Variants in NSMCE2 observed in about 807,000 individuals in gnomAD.
NSMCE2 encodes NSE2 SUMO ligase component of SMC5/6 complex.
In NSMCE2, 24 loss-of-function variants were observed where a neutral mutation model predicts 23.8. The observed-to-expected ratio is 1.01, with a 90% CI of 0.73 to 1.42. The LOEUF is 1.42. NSMCE2 is among the 40% of genes most tolerant of loss of function. The probability of loss-of-function intolerance (pLI) is 0.00; values close to 1 mark genes in which losing one functional copy is unlikely to be tolerated. For synonymous variants in NSMCE2, 92 were observed against 94.1 expected (o/e 0.98, Z 0.13); for missense variants, 284 against 296.5 (o/e 0.96, Z 0.31).
At chr8:125,132,383 A>G (rs959090971) in intron 3 of NSMCE2, among the ~76,000 whole-genome samples, 14 of 152,140 alleles carry the variant, frequency 9.2e-5, no homozygotes, top group African/African-American at 3.4e-4. Flanking sequence ...TCTGTGCCTG[A>G]CCTGTTCATA....
At chr8:125,281,179 C>T (rs75228267) in intron 5 of NSMCE2, among the ~76,000 whole-genome samples, 33 of 152,338 alleles carry the variant, frequency 2.2e-4, no homozygotes, top group African/African-American at 5.8e-4. Flanking sequence ...AGCTCTTTTC[C>T]CAACTGTGCA....
intron 5 of NSMCE2, among the ~76,000 whole-genome samples, chr8:125,318,297 T>A (rs548914336): frequency 1.3e-5 from 2 of 152,180 alleles, no homozygotes; most frequent in South Asian, 2.1e-4. Context: ...AGCTACTTAG[T>A]AGGGCTGAGG....
intron 5 of NSMCE2, among the ~76,000 whole-genome samples, chr8:125,351,704 T>C (rs1327904386): frequency 6.6e-6 from 1 of 152,186 alleles, no homozygotes; most frequent in Non-Finnish European, 1.5e-5. Flanking sequence ...ATTTTCTACA[T>C]TTGCCTTAAA....
At chr8:125,225,361 A>T (rs1825046310) in intron 5 of NSMCE2, among the ~76,000 whole-genome samples, 1 of 151,878 alleles carries the variant, frequency 6.6e-6, no homozygotes, top group African/African-American at 2.4e-5. Context: ...TGTCCTTTCG[A>T]CTCCATTCAC....
rs575416840 is a variant in NSMCE2 at position 125,093,618 on chromosome 8, G to A, written c.-111+1660G>A. On this transcript the variant is annotated intron_variant, in intron 1 of 7. Transcript: ENST00000287437. ...CACACCTGTAATCCCAGCTACTCGG[G>A]AGGCTGAGGCAGGAGAATCCCTTGA... Among the ~76,000 whole-genome samples the A allele has an allele frequency of 2.7e-3, 413 of 152,254 alleles. 2 individuals are homozygous for A. The highest frequency in any genetic ancestry group is 9.4e-3 in the African/African-American group (391 of 41,534).
intron 5 of NSMCE2, among the ~76,000 whole-genome samples, chr8:125,279,809 A>G (rs1406100351): frequency 3.3e-5 from 5 of 152,198 alleles, no homozygotes; most frequent in Non-Finnish European, 5.9e-5. Context: ...TTATAAAATC[A>G]TAACACTTTT....
intron 5 of NSMCE2, among the ~76,000 whole-genome samples, chr8:125,331,738 G>A (rs1302846734): frequency 6.6e-6 from 1 of 152,300 alleles, no homozygotes; most frequent in African/African-American, 2.4e-5. Context: ...TGCAAGGAAT[G>A]TAAGAGCAAC....
chr8:125,194,376 C>T (rs901941137), intron 5 of NSMCE2, among the ~76,000 whole-genome samples: 1 of 152,160 alleles, frequency 6.6e-6, no homozygotes, highest in African/African-American at 2.4e-5. Context: ...GCTTCTTTCA[C>T]TTATCAGAGT....
intron 5 of NSMCE2, among the ~76,000 whole-genome samples, chr8:125,279,929 A>G (rs1464603630): frequency 6.6e-6 from 1 of 152,202 alleles, no homozygotes; most frequent in Non-Finnish European, 1.5e-5. Context: ...TATCCTCTCT[A>G]TCAATGAGTA....
intron 5 of NSMCE2, among the ~76,000 whole-genome samples, chr8:125,345,519 G>A (rs1169592268): frequency 6.6e-6 from 1 of 152,210 alleles, no homozygotes. Flanking sequence ...AGAACATGAA[G>A]CTGAATCAGA....
chr8:125,140,510 A>C (rs1331079627), intron 3 of NSMCE2, among the ~76,000 whole-genome samples: 1 of 152,148 alleles, frequency 6.6e-6, no homozygotes, highest in East Asian at 1.9e-4. Flanking sequence ...TGAAAATACA[A>C]AAATTAGCTG....
chr8:125,302,855 C>T (rs937893517), intron 5 of NSMCE2, among the ~76,000 whole-genome samples: 13 of 152,148 alleles, frequency 8.5e-5, no homozygotes, highest in African/African-American at 3.1e-4. Flanking sequence ...TGCAAGACCA[C>T]TGCTCAGGAA....
At chr8:125,161,956 A>G (rs896209122) in intron 4 of NSMCE2, among the ~76,000 whole-genome samples, 3 of 152,124 alleles carry the variant, frequency 2.0e-5, no homozygotes, top group African/African-American at 7.2e-5. Context: ...TGCCTCGGCT[A>G]TTTGTGGTTC....
Position 125,272,362 on chromosome 8 carries a change from C to G in NSMCE2, c.419-84857C>G, listed in dbSNP as rs578090715. On this transcript the variant is annotated intron_variant, in intron 5 of 7. Transcript: ENST00000287437. ...CACACTTACACTAGAAGTTTAATGT[C>G]CATCTTATTATGTCACGTTTGCTTT... Among the ~76,000 whole-genome samples the G allele has an allele frequency of 7.2e-5, 11 of 151,756 alleles. No individual in the cohort carries two copies. In the South Asian group the frequency reaches 2.3e-3, roughly 32 times the overall value.
At chr8:125,343,494 C>G (rs908447495) in intron 5 of NSMCE2, among the ~76,000 whole-genome samples, 1 of 148,722 alleles carries the variant, frequency 6.7e-6, no homozygotes, top group African/African-American at 2.4e-5. Flanking sequence ...TATGAATTAG[C>G]CAGGCGTGTT....
intron 3 of NSMCE2, among the ~76,000 whole-genome samples, chr8:125,125,822 G>C (rs968900779): frequency 6.6e-6 from 1 of 152,304 alleles, no homozygotes; most frequent in Non-Finnish European, 1.5e-5. Flanking sequence ...AACAGTGTGA[G>C]TATCATAGTT....
chr8:125,110,330 A>G (rs1818667866), intron 3 of NSMCE2, among the ~76,000 whole-genome samples: 1 of 152,224 alleles, frequency 6.6e-6, no homozygotes, highest in Non-Finnish European at 1.5e-5. Context: ...TTTTCTCTAT[A>G]TATTGCTTTT....
At chr8:125,227,218 G>C (rs1488320220) in intron 5 of NSMCE2, among the ~76,000 whole-genome samples, 2 of 152,162 alleles carry the variant, frequency 1.3e-5, no homozygotes, top group Admixed American at 1.3e-4. Context: ...AGAAGCAGGA[G>C]CAGGCCTGCC....
Position 125,115,665 on chromosome 8 carries a change from T to C in NSMCE2, c.157+13178T>C, listed in dbSNP as rs564936399. On this transcript the variant is annotated intron_variant, in intron 3 of 7. Transcript: ENST00000287437. ...ACTTGGGAGGCTGAGGCAGGAGAATTGCTAGAACCAGGTGGGTGGAGGTTG... is the reference window on the plus strand; with the variant it reads ...ACTTGGGAGGCTGAGGCAGGAGAATCGCTAGAACCAGGTGGGTGGAGGTTG... Among the ~76,000 whole-genome samples, 32 of 152,218 alleles carry C rather than the reference T, an allele frequency of 2.1e-4. No homozygotes were observed. In the Middle Eastern group the frequency reaches 0.01, roughly 49 times the overall value.
Sources: allele counts gnomAD v4.1 joint callset (sites outside exome capture counted in the v4.1 genomes callset), GRCh38; gene constraint gnomAD v4.1.1; transcripts MANE v1.5; gene names NCBI Gene and HGNC (gene_info 2026-07-23, HGNC 2026-07-21).